The following NPC1 variants were observed in gnomAD, a reference collection of about 807,000 sequenced individuals.
NPC1 encodes Niemann-Pick C1 protein.
In NPC1, 85 loss-of-function variants were observed where a neutral mutation model predicts 140.4. The observed-to-expected ratio is 0.61, with a 90% CI of 0.51 to 0.72. NPC1 has a LOEUF of 0.72. Ranked by LOEUF, NPC1 falls within the 30% of genes least tolerant of loss-of-function variation. NPC1 has a pLI of 0.00. For synonymous variants in NPC1, 656 were observed against 624.8 expected (o/e 1.05, Z -0.74); for missense variants, 1,504 against 1,623.8 (o/e 0.93, Z 1.27).
chr18:23,519,625 G>A (rs2058094245), downstream of NPC1, among the ~76,000 whole-genome samples: 3 of 152,150 alleles, frequency 2.0e-5, no homozygotes, highest in Admixed American at 2.0e-4. Flanking sequence ...GTCTCAAGTA[G>A]TTTAGAAAAA....
chr18:23,555,937 T>C (rs774873522), intron 8 of NPC1, among the ~76,000 whole-genome samples: 14 of 152,212 alleles, frequency 9.2e-5, no homozygotes, highest in African/African-American at 3.4e-4. Context: ...CTAATAAATA[T>C]ATCCTGCCTC....
rs1263723863 is a variant in NPC1, at chr18:23,543,450, A to G, written c.2245+5T>C. ...CAGGACTGGTAGGATTGAAAGCATA[A>G]TTACCTAAGAAAAATGCTACAGTCT... On this transcript the variant is annotated splice_donor_5th_base_variant and intron_variant, in intron 14 of 24. Coordinates refer to ENST00000269228, the MANE Select transcript of NPC1 (RefSeq NM_000271.5). 3.9e-6 allele frequency: 6 copies of G among 1,549,732 alleles called. No individual in the cohort carries two copies. Among genetic ancestry groups the G allele is most frequent in the Non-Finnish European group, 5.3e-6 (6 of 1,121,814 alleles).
intron 1 of NPC1, among the ~76,000 whole-genome samples, chr18:23,574,508 T>C (rs1434244829): frequency 2.0e-5 from 3 of 152,056 alleles, no homozygotes; most frequent in African/African-American, 4.8e-5. Flanking sequence ...CAGTGGCACA[T>C]GACCTGCACA....
intron 1 of NPC1, among the ~76,000 whole-genome samples, chr18:23,578,705 C>A (rs2145576688): frequency 6.6e-6 from 1 of 152,372 alleles, no homozygotes. Context: ...TGATCTCCAG[C>A]TTCTCTCCAG....
downstream of NPC1, chr18:23,529,497 G>A: frequency 8.1e-7 from 1 of 1,241,576 alleles, no homozygotes; most frequent in Admixed American, 2.1e-5. Context: ...TGGTTCTGGA[G>A]CGATGTGTGC....
At chr18:23,531,418 A>AC (rs1403221579), downstream of NPC1, 5 of 1,036,232 alleles carry the variant, frequency 4.8e-6, no homozygotes, top group Non-Finnish European at 6.6e-6. Context: ...GCATTTAGTT[A>AC]CCATAAGGAC....
intron 4 of NPC1, among the ~76,000 whole-genome samples, chr18:23,567,934 C>T (rs981302366): frequency 2.0e-5 from 3 of 152,108 alleles, no homozygotes; most frequent in Non-Finnish European, 4.4e-5. Context: ...TCGCTGTCTG[C>T]TCTAGATAAC....
intron 3 of NPC1, chr18:23,515,993 T>G: frequency 6.2e-7 from 1 of 1,614,158 alleles, no homozygotes; most frequent in Non-Finnish European, 8.5e-7. Flanking sequence ...CTTTTCACTT[T>G]AGGGTAAGAG....
At position 23,544,943 on chromosome 18, in the gene NPC1, A is replaced by ACCCCC. The variant is rs3837910; in HGVS notation, c.1947+12_1947+16dup. 7.7e-3 allele frequency: 7,874 copies of ACCCCC among 1,025,952 alleles called. 546 individuals carry two copies. Among genetic ancestry groups the ACCCCC allele is most frequent in the South Asian group, 9.6e-3 (710 of 73,686 alleles). The allele number at this position is 1,025,952 out of a possible 1,614,324, so 63.6% of individuals were successfully genotyped here. ...GCTGTTAACCTCTAGAACATACACC[A>ACCCCC]CCCCCCCCCGGCTTACCAGAAGCCT... On this transcript the variant is annotated intron_variant, in intron 12 of 24. Coordinates refer to ENST00000269228, the MANE Select transcript of NPC1 (RefSeq NM_000271.5).
chr18:23,561,117 T>C (rs1006069803), intron 5 of NPC1, among the ~76,000 whole-genome samples: 1 of 152,132 alleles, frequency 6.6e-6, no homozygotes, highest in Non-Finnish European at 1.5e-5. Flanking sequence ...ACCCACGCAA[T>C]CCTCCTGCCT....
chr18:23,572,005 G>T, intron 3 of NPC1, 69 bp downstream of exon 3: 1 of 861,072 alleles, frequency 1.2e-6, no homozygotes, highest in East Asian at 2.6e-5. Flanking sequence ...AAGAATAAAT[G>T]GAAAGCTGAG....
At chr18:23,524,891 C>T (rs995679004), downstream of NPC1, among the ~76,000 whole-genome samples, 14 of 151,128 alleles carry the variant, frequency 9.3e-5, no homozygotes, top group African/African-American at 3.4e-4. Flanking sequence ...GAGGAAGCCT[C>T]CTCAGTCTGT....
chr18:23,583,147 T>C (rs942944816), intron 1 of NPC1, among the ~76,000 whole-genome samples: 2 of 149,896 alleles, frequency 1.3e-5, no homozygotes, highest in African/African-American at 4.9e-5. Context: ...TCAAGTGTCC[T>C]GGCCACATTT....
At position 23,510,646 on chromosome 18, in the gene NPC1, CA is replaced by C. The variant is rs1209479609; in HGVS notation, c.432-4005del. Among the ~76,000 whole-genome samples, 563 of 129,916 alleles carry C rather than the reference CA, an allele frequency of 4.3e-3. 3 individuals are homozygous for C. The highest frequency in any genetic ancestry group is 0.014 in the African/African-American group (478 of 35,034). The allele number at this position is 129,916 out of a possible 152,430, so 85.2% of individuals were successfully genotyped here. A position where few individuals can be genotyped will look rare whatever the true frequency, so the allele number is the denominator to read the frequency against. On this transcript the variant is annotated intron_variant, in intron 3 of 3. Coordinates refer to the NPC1 transcript ENST00000591107. ...TGGGCAACAGAGCGAGACTCCGTCT[CA>C]AAAAAAAAAAAGTGGGCAAAGGACA...
chr18:23,533,139 A>G (rs1017666471), intron 24 of NPC1: 15 of 650,354 alleles, frequency 2.3e-5, no homozygotes, highest in Non-Finnish European at 3.5e-5. Flanking sequence ...GCCTCCAGAA[A>G]AAACATCGAC....
At chr18:23,529,793 CAT>C, downstream of NPC1, 2 of 1,377,488 alleles carry the variant, frequency 1.5e-6, no homozygotes, top group Non-Finnish European at 2.1e-6. Context: ...GAAGATGACT[CAT>C]ATGCTAAGAC....
chr18:23,556,364 A>G lies in NPC1; in HGVS notation c.1205T>C (p.Phe402Ser), dbSNP rs1415833171. The G allele has an allele frequency of 1.9e-6, 3 of 1,614,154 alleles. No homozygotes were observed. The highest frequency in any genetic ancestry group is 2.5e-6 in the Non-Finnish European group (3 of 1,179,998). Residue 402 changes from phenylalanine (F) to serine (S), a missense_variant, in exon 8 of 25, where the codon TTC becomes TCC. Transcript: ENST00000269228. Reference protein sequence around the residue: ...KEYFDQHFGPFFRTEQLIIRA... With the variant: ...KEYFDQHFGPSFRTEQLIIRA... ...GATGATGAGCTGCTCCGTCCGGAAG[A>G]AAGGCCCAAAGTGCTGGTCAAAGTA... is the stretch of plus-strand genomic sequence containing the variant.
intron 6 of NPC1, among the ~76,000 whole-genome samples, chr18:23,557,973 C>T (rs1360377762): frequency 6.6e-6 from 1 of 151,992 alleles, no homozygotes; most frequent in African/African-American, 2.4e-5. Context: ...CTTTGAGTAA[C>T]AAGATAAATG....
chr18:23,586,159 C>G, intron 1 of NPC1, 128 bp downstream of exon 1: 1 of 975,842 alleles, frequency 1.0e-6, no homozygotes, highest in South Asian at 1.6e-5. Context: ...GAGGAACCTC[C>G]GAGCTCTCCA....
Sources: gnomAD v4.1 joint callset for allele counts (sites outside exome capture counted in the v4.1 genomes callset) on GRCh38, gnomAD v4.1.1 for gene constraint, MANE v1.5 for transcripts, NCBI Gene and HGNC (gene_info 2026-07-23, HGNC 2026-07-21) for gene names.